Variants in FHOD3 observed in about 807,000 individuals in gnomAD.
The protein encoded by FHOD3 is formin homology 2 domain containing 3.
In FHOD3, 90 loss-of-function variants were observed where a neutral mutation model predicts 173.0. The ratio of observed to expected loss-of-function variants is 0.52; its 90% CI spans 0.44 to 0.62. The LOEUF is 0.62. Among genes scored for constraint, FHOD3 ranks in the 20% least tolerant of loss-of-function variants. The pLI is 0.00. For missense variants in FHOD3, 1,945 were observed against 2,034.7 expected (o/e 0.96, Z 0.85); for synonymous variants, 828 against 823.0 (o/e 1.01, Z -0.10).
At chr18:36,483,947 C>T (rs540795186) in intron 3 of FHOD3, among the ~76,000 whole-genome samples, 37 of 152,290 alleles carry the variant, frequency 2.4e-4, no homozygotes, top group African/African-American at 8.7e-4. Flanking sequence ...AGCATCCTCC[C>T]AGGACCATTC....
intron 8 of FHOD3, among the ~76,000 whole-genome samples, chr18:36,610,004 T>C (rs945147085): frequency 6.6e-6 from 1 of 152,158 alleles, no homozygotes; most frequent in Non-Finnish European, 1.5e-5. Flanking sequence ...GGGGATTAGG[T>C]TTAGCAGTTT....
At chr18:36,473,390 G>T (rs1465032592) in intron 3 of FHOD3, among the ~76,000 whole-genome samples, 1 of 152,196 alleles carries the variant, frequency 6.6e-6, no homozygotes, top group Non-Finnish European at 1.5e-5. Context: ...CTCCAGCCTG[G>T]GTGACAGAGT....
chr18:36,774,859 T>TG (rs1428092097), intron 28 of FHOD3, among the ~76,000 whole-genome samples: 1 of 152,210 alleles, frequency 6.6e-6, no homozygotes, highest in Non-Finnish European at 1.5e-5. Flanking sequence ...CCCTCATGTC[T>TG]GCTTAGTCTC....
intron 3 of FHOD3, among the ~76,000 whole-genome samples, chr18:36,429,129 C>T (rs909725310): frequency 2.0e-5 from 3 of 152,094 alleles, no homozygotes; most frequent in Non-Finnish European, 4.4e-5. Flanking sequence ...GATTGTTTTC[C>T]CCAGAAGTCC....
At position 36,637,985 on chromosome 18, in the gene FHOD3, G is replaced by C. The variant is rs55954918; in HGVS notation, c.1197-11331G>C. 4.2e-3 allele frequency among the ~76,000 whole-genome samples: 642 copies of C among 152,252 alleles called. 7 individuals are homozygous for C. The highest frequency in any genetic ancestry group is 0.015 in the African/African-American group (607 of 41,542). ...TCATTTGCTATGTAAAAAGATTGTA[G>C]AATAATATGTTTTTTTTAAAATCTA... On this transcript the variant is annotated intron_variant, in intron 10 of 28. Coordinates refer to ENST00000590592, the MANE Select transcript of FHOD3 (RefSeq NM_001281740.3).
chr18:36,401,869 C>T (rs1247603219), intron 3 of FHOD3, among the ~76,000 whole-genome samples: 1 of 152,190 alleles, frequency 6.6e-6, no homozygotes, highest in Non-Finnish European at 1.5e-5. Flanking sequence ...CATTGATTTA[C>T]AAGTAGAAAT....
chr18:36,595,528 G>C (rs550589373), intron 7 of FHOD3, among the ~76,000 whole-genome samples: 1 of 152,142 alleles, frequency 6.6e-6, no homozygotes, highest in African/African-American at 2.4e-5. Context: ...TTGGGCATGT[G>C]CTTTTAAAGC....
intron 9 of FHOD3, among the ~76,000 whole-genome samples, chr18:36,617,312 G>C (rs2033284571): frequency 6.6e-6 from 1 of 152,170 alleles, no homozygotes; most frequent in African/African-American, 2.4e-5. Flanking sequence ...CTTCTTCTCA[G>C]TCTGCCCCTA....
intron 6 of FHOD3, among the ~76,000 whole-genome samples, chr18:36,578,001 T>A (rs2058717808): frequency 6.6e-6 from 1 of 152,132 alleles, no homozygotes; most frequent in African/African-American, 2.4e-5. Flanking sequence ...GGTGGCACGT[T>A]ATGGAGATCA....
chr18:36,734,028 T>C (rs1025205461), intron 20 of FHOD3, among the ~76,000 whole-genome samples: 1 of 151,952 alleles, frequency 6.6e-6, no homozygotes, highest in African/African-American at 2.4e-5. Context: ...AGAGGGAATC[T>C]GAAAGGGGAG....
intron 9 of FHOD3, among the ~76,000 whole-genome samples, chr18:36,621,457 A>G (rs984126827): frequency 7.9e-5 from 12 of 152,282 alleles, no homozygotes; most frequent in South Asian, 2.1e-4. Context: ...AGCTGCAGTT[A>G]TCTAGTGGTT....
intron 5 of FHOD3, among the ~76,000 whole-genome samples, chr18:36,566,535 G>T (rs946753493): frequency 4.6e-5 from 7 of 152,204 alleles, no homozygotes; most frequent in Non-Finnish European, 1.0e-4. Context: ...GTGTAGTGGG[G>T]ACCCTGGGCC....
chr18:36,527,931 A>G lies in FHOD3; in HGVS notation c.511+15388A>G, dbSNP rs537570820. Among the ~76,000 whole-genome samples the G allele has an allele frequency of 2.6e-5, 4 of 152,180 alleles. No individual in the cohort carries two copies. In the East Asian group the frequency reaches 5.8e-4, roughly 22 times the overall value. ...CTTTGTCCTACCCTTTCCATGACTC[A>G]TCTCCTGGGCAGTCCTTCGTAAATA... On this transcript the variant is annotated intron_variant, in intron 5 of 28. Transcript: ENST00000590592.
chr18:36,422,374 C>A (rs539955600), intron 3 of FHOD3, among the ~76,000 whole-genome samples: 4 of 152,094 alleles, frequency 2.6e-5, no homozygotes, highest in African/African-American at 9.7e-5. Context: ...TCCTATGTAA[C>A]CTATCCCCTG....
At chr18:36,707,890 C>A (rs1445178544) in intron 17 of FHOD3, among the ~76,000 whole-genome samples, 2 of 152,060 alleles carry the variant, frequency 1.3e-5, no homozygotes, top group African/African-American at 4.8e-5. Context: ...AAGCACACAC[C>A]CTTAGAGTGC....
intron 4 of FHOD3, among the ~76,000 whole-genome samples, chr18:36,504,749 AAAGT>A (rs2055214536): frequency 1.4e-5 from 2 of 146,026 alleles, no homozygotes; most frequent in African/African-American, 5.1e-5. Context: ...AATAATAATA[AAAGT>A]AAATAAATAA....
chr18:36,596,045 T>C (rs984100518), intron 7 of FHOD3, among the ~76,000 whole-genome samples: 4 of 152,244 alleles, frequency 2.6e-5, no homozygotes, highest in African/African-American at 7.2e-5. Flanking sequence ...TGTGTGTGTG[T>C]GCGTGCACAC....
chr18:36,777,447 C>A (rs2043757450), intron 28 of FHOD3, among the ~76,000 whole-genome samples: 1 of 152,114 alleles, frequency 6.6e-6, no homozygotes, highest in South Asian at 2.1e-4. Flanking sequence ...CCTGCCTCAG[C>A]CTCCCAAAGT....
At chr18:36,339,984 A>C (rs1276850033) in intron 1 of FHOD3, among the ~76,000 whole-genome samples, 3 of 152,166 alleles carry the variant, frequency 2.0e-5, no homozygotes, top group South Asian at 2.1e-4. Context: ...CACATTAATG[A>C]AATAATGCAC....
Sources: gnomAD v4.1 joint callset for allele counts (sites outside exome capture counted in the v4.1 genomes callset) on GRCh38, gnomAD v4.1.1 for gene constraint, MANE v1.5 for transcripts, NCBI Gene and HGNC (gene_info 2026-07-23, HGNC 2026-07-21) for gene names.